Variants in KCMF1 observed in about 807,000 individuals in gnomAD.
KCMF1 encodes the protein E3 ubiquitin-protein ligase KCMF1.
A neutral mutation model predicts 41.1 loss-of-function variants in KCMF1; 3 were observed. That is an observed-to-expected ratio of 0.07 (90% confidence interval 0.03 to 0.19). The LOEUF is 0.19. KCMF1 is among the 10% of genes least tolerant of loss of function. The pLI is 1.00. For missense variants in KCMF1, 286 were observed against 488.9 expected (o/e 0.58, Z 3.91); for synonymous variants, 142 against 164.5 (o/e 0.86, Z 1.04).
chr2:85,049,412 G>A lies in KCMF1; in HGVS notation c.648G>A (p.Gln216=), dbSNP rs898749715. 3.1e-6 allele frequency: 5 copies of A among 1,614,052 alleles called. No individual in the cohort carries two copies. The highest frequency in any genetic ancestry group is 3.3e-4 in the Middle Eastern group (2 of 6,062). ...GAGTGAGACGTTCTGCAGGAGGACAGCTTAATTCCTCTGGCCCTTCCGCTT... is the reference window on the plus strand; with the variant it reads ...GAGTGAGACGTTCTGCAGGAGGACAACTTAATTCCTCTGGCCCTTCCGCTT... ...LSGVRRSAGG[Q]LNSSGPSASQ... The change falls in exon 6 of 7, where the codon CAG becomes CAA. Residue 216 remains glutamine, a synonymous_variant. Coordinates refer to ENST00000409785, the MANE Select transcript of KCMF1 (RefSeq NM_020122.5).
At chr2:85,033,110 C>G (rs981605757) in intron 2 of KCMF1, among the ~76,000 whole-genome samples, 7 of 152,120 alleles carry the variant, frequency 4.6e-5, no homozygotes, top group Non-Finnish European at 1.0e-4. Flanking sequence ...CCCAGCTACT[C>G]CAAATTCACC....
intron 2 of KCMF1, among the ~76,000 whole-genome samples, chr2:85,031,525 A>T (rs977631038): frequency 2.0e-5 from 3 of 152,206 alleles, no homozygotes; most frequent in Non-Finnish European, 4.4e-5. Context: ...TACATAAAAT[A>T]GGCTTTGTTT....
intron 1 of KCMF1, among the ~76,000 whole-genome samples, chr2:85,016,010 C>CA (rs1309446622): frequency 6.6e-6 from 1 of 152,030 alleles, no homozygotes; most frequent in Non-Finnish European, 1.5e-5. Context: ...TCACAGGACT[C>CA]ACAGAATTCT....
intron 1 of KCMF1, among the ~76,000 whole-genome samples, chr2:84,971,793 G>A (rs1024123675): frequency 3.3e-5 from 5 of 151,090 alleles, no homozygotes; most frequent in African/African-American, 1.2e-4. Flanking sequence ...GATACCGGAC[G>A]CCAAGGCCCG....
intron 1 of KCMF1, among the ~76,000 whole-genome samples, chr2:84,974,820 C>G (rs1452175480): frequency 6.8e-6 from 1 of 148,068 alleles, no homozygotes; most frequent in Admixed American, 6.8e-5. Flanking sequence ...ATTCTCCTGC[C>G]TCAGCCTCCC....
chr2:84,982,863 GTGTT>G (rs1673800381), intron 1 of KCMF1, among the ~76,000 whole-genome samples: 1 of 152,208 alleles, frequency 6.6e-6, no homozygotes, highest in Non-Finnish European at 1.5e-5. Context: ...ATTATACAGT[GTGTT>G]TGTATGGCTA....
Position 85,027,878 on chromosome 2 carries a change from T to G in KCMF1, c.17-11T>G. ...ACAACTGGTAACTAAAGATATTTCT[T>G]TTTTTTATAGGTGTCAGCTGTGATG... On this transcript the variant is annotated splice_polypyrimidine_tract_variant and intron_variant, in intron 1 of 6. Transcript: ENST00000409785. 1 of 1,573,346 alleles carries G rather than the reference T, an allele frequency of 6.4e-7. No homozygotes were observed. Among genetic ancestry groups the G allele is most frequent in the Non-Finnish European group, 8.6e-7 (1 of 1,160,276 alleles).
intron 1 of KCMF1, among the ~76,000 whole-genome samples, chr2:84,975,515 GACCCTTAGTGGAGATGGCAGT>G (rs1202166757): frequency 1.3e-5 from 2 of 152,180 alleles, no homozygotes; most frequent in African/African-American, 4.8e-5. Context: ...CCACCCTACA[GACCCTTAGTGGAGATGGCAGT>G]ACCCTACATT....
At chr2:84,990,259 G>A (rs962396222) in intron 1 of KCMF1, among the ~76,000 whole-genome samples, 1 of 152,142 alleles carries the variant, frequency 6.6e-6, no homozygotes, top group African/African-American at 2.4e-5. Context: ...GTGAAGGGAA[G>A]GAGAGATGAC....
intron 2 of KCMF1, among the ~76,000 whole-genome samples, chr2:85,030,648 G>A (rs1403791903): frequency 6.6e-6 from 1 of 152,166 alleles, no homozygotes; most frequent in Non-Finnish European, 1.5e-5. Flanking sequence ...GACTATAAAT[G>A]AGGGTTTATT....
chr2:84,971,369 C>G lies in KCMF1; in HGVS notation c.-83C>G, dbSNP rs1673387671. 11 of 916,274 alleles carry G rather than the reference C, an allele frequency of 1.2e-5. No homozygotes were observed. Among genetic ancestry groups the G allele is most frequent in the East Asian group, 7.4e-5 (1 of 13,446 alleles). The allele number at this position is 916,274 out of a possible 1,614,324, so 56.8% of individuals were successfully genotyped here. A position where few individuals can be genotyped will look rare whatever the true frequency, so the allele number is the denominator to read the frequency against. ...CGGGAGTCGAGTGGGAGTCGGCCGG[C>G]CGGCGCGGGCAGCGCCGGGACCCCG... On this transcript the variant is annotated 5_prime_UTR_variant, in exon 1 of 7. Coordinates refer to ENST00000409785, the MANE Select transcript of KCMF1 (RefSeq NM_020122.5).
At chr2:85,021,688 C>CT (rs1003226411) in intron 1 of KCMF1, among the ~76,000 whole-genome samples, 22 of 151,260 alleles carry the variant, frequency 1.5e-4, no homozygotes, top group African/African-American at 4.6e-4. Flanking sequence ...GCTTTCATGT[C>CT]TTTTTTTTTC....
chr2:84,998,948 ATCTATCTATCTATCTATCTG>A lies in KCMF1; in HGVS notation c.16+27485_16+27504del, dbSNP rs1460639203. On this transcript the variant is annotated intron_variant, in intron 1 of 6. Transcript: ENST00000409785. ...TATCTATCTATCTATCTATCTATCT[ATCTATCTATCTATCTATCTG>A]TCTGTCTGTCTATCTACCTACCTAT... 2.9e-3 allele frequency among the ~76,000 whole-genome samples: 295 copies of A among 102,198 alleles called. 2 individuals are homozygous for A. The highest frequency in any genetic ancestry group is 8.5e-3 in the African/African-American group (248 of 29,308). 67.0% of individuals were successfully genotyped at this position (102,198 alleles called of 152,430 possible).
chr2:84,997,657 G>C (rs1450795567), intron 1 of KCMF1, among the ~76,000 whole-genome samples: 1 of 151,366 alleles, frequency 6.6e-6, no homozygotes, highest in Non-Finnish European at 1.5e-5. Context: ...TGTCTGTTCA[G>C]TTATTGTGCC....
intron 1 of KCMF1, among the ~76,000 whole-genome samples, chr2:84,977,053 G>A (rs947347603): frequency 7.3e-5 from 11 of 151,494 alleles, no homozygotes; most frequent in African/African-American, 2.7e-4. Flanking sequence ...CTGTTGCCCA[G>A]GCTAGAGTAG....
chr2:84,992,822 G>A (rs112412267), intron 1 of KCMF1, among the ~76,000 whole-genome samples: 3,905 of 152,038 alleles, frequency 0.026, 53 homozygotes, highest in Middle Eastern at 0.051. Flanking sequence ...GGGTTTCACC[G>A]TGTTAGCCAG....
At chr2:85,004,558 G>C (rs1313851625) in intron 1 of KCMF1, among the ~76,000 whole-genome samples, 2 of 152,024 alleles carry the variant, frequency 1.3e-5, no homozygotes, top group Non-Finnish European at 2.9e-5. Context: ...ACTTTGGGTT[G>C]GGAGGACTGC....
At chr2:85,037,041 A>C (rs1218236741) in intron 3 of KCMF1, among the ~76,000 whole-genome samples, 1 of 143,938 alleles carries the variant, frequency 6.9e-6, no homozygotes, top group Non-Finnish European at 1.5e-5. Flanking sequence ...TGTTGTTTAC[A>C]CTCTGGCATA....
chr2:85,033,937 C>G (rs1319600799), intron 2 of KCMF1, among the ~76,000 whole-genome samples: 1 of 151,534 alleles, frequency 6.6e-6, no homozygotes, highest in African/African-American at 2.4e-5. Context: ...AGTCCCAGCA[C>G]TTTGGGAGGC....
Sources: allele counts gnomAD v4.1 joint callset (sites outside exome capture counted in the v4.1 genomes callset), GRCh38; gene constraint gnomAD v4.1.1; transcripts MANE v1.5; gene names NCBI Gene and HGNC (gene_info 2026-07-23, HGNC 2026-07-21).